The following MAP2K4 variants were observed in gnomAD, a reference collection of about 807,000 sequenced individuals.
The protein encoded by MAP2K4 is mitogen-activated protein kinase kinase 4, also known as dual specificity mitogen-activated protein kinase kinase 4.
Under a neutral mutation model 48.5 loss-of-function variants are expected in MAP2K4, and 4 were observed. That is an observed-to-expected ratio of 0.08 (90% CI 0.04 to 0.19). The LOEUF is 0.19. MAP2K4 is among the 10% of genes least tolerant of loss of function. The pLI, the probability that MAP2K4 is intolerant of heterozygous loss-of-function variation, is 1.00. For synonymous variants in MAP2K4, 166 were observed against 173.1 expected, an observed-to-expected ratio of 0.96 and a Z score of 0.32; for missense variants, 258 against 493.3, an observed-to-expected ratio of 0.52 and a Z score of 4.52.
intron 1 of MAP2K4, among the ~76,000 whole-genome samples, chr17:12,025,502 T>A (rs777089578): frequency 4.6e-5 from 7 of 152,216 alleles, no homozygotes; most frequent in South Asian, 2.1e-4. Flanking sequence ...ATGGTTAGAA[T>A]AGAATCTATA....
At chr17:12,094,248 C>A (rs1430541242) in intron 3 of MAP2K4, among the ~76,000 whole-genome samples, 5 of 152,168 alleles carry the variant, frequency 3.3e-5, no homozygotes, top group African/African-American at 7.2e-5. Context: ...AGGTAGCAAG[C>A]TGTAAATTTT....
Position 12,141,954 on chromosome 17 carries a change from T to C in MAP2K4, c.*694T>C. ...AATATAGAGACAGGACAGAATGTGT[T>C]CTTTTCTCCTTTACCAGTCCTATTT... is the stretch of plus-strand genomic sequence containing the variant. On this transcript the variant is annotated 3_prime_UTR_variant, in exon 11 of 11. Transcript: ENST00000353533. The C allele has an allele frequency of 4.3e-6, 1 of 233,386 alleles. No individual in the cohort carries two copies. The highest frequency in any genetic ancestry group is 6.0e-5 in the East Asian group (1 of 16,558). 14.5% of individuals were successfully genotyped at this position (233,386 alleles called of 1,614,324 possible). A position where few individuals can be genotyped will look rare whatever the true frequency, so the allele number is the denominator to read the frequency against.
rs1192772180 is a variant in MAP2K4, at chr17:12,068,009, G to C, written c.218+13018G>C. Among the ~76,000 whole-genome samples, 3 of 152,160 alleles carry C rather than the reference G, an allele frequency of 2.0e-5. No homozygotes were observed. The East Asian group carries it at 5.8e-4, about 29-fold the overall frequency. On this transcript the variant is annotated intron_variant, in intron 2 of 10. Coordinates refer to ENST00000353533, the MANE Select transcript of MAP2K4 (RefSeq NM_003010.4). ...GTAGTCAATGAAGGCTTCTAAACTTGAGTGAGTTTTACTAGATTTGGGGAA... is the reference window on the plus strand; with the variant it reads ...GTAGTCAATGAAGGCTTCTAAACTTCAGTGAGTTTTACTAGATTTGGGGAA...
intron 9 of MAP2K4, among the ~76,000 whole-genome samples, chr17:12,135,325 C>T (rs1973170546): frequency 6.6e-6 from 1 of 152,170 alleles, no homozygotes; most frequent in African/African-American, 2.4e-5. Flanking sequence ...CTCAGGTGAT[C>T]CGCCTGCCTC....
At chr17:12,032,914 A>T (rs1273959673) in intron 1 of MAP2K4, among the ~76,000 whole-genome samples, 1 of 152,122 alleles carries the variant, frequency 6.6e-6, no homozygotes, top group Admixed American at 6.5e-5. Flanking sequence ...ATCATAGTTC[A>T]CTGCAGCCTT....
chr17:12,132,131 T>G (rs185788637), intron 9 of MAP2K4, among the ~76,000 whole-genome samples: 10 of 152,310 alleles, frequency 6.6e-5, no homozygotes, highest in African/African-American at 2.2e-4. Flanking sequence ...ATACATAACT[T>G]GTAGGAGTAT....
At chr17:12,088,536 A>G (rs1597454769) in intron 3 of MAP2K4, among the ~76,000 whole-genome samples, 1 of 84,342 alleles carries the variant, frequency 1.2e-5, no homozygotes, top group African/African-American at 3.3e-5. Flanking sequence ...TATAATATAT[A>G]TTAAATTATA....
rs1220764649 is a variant in MAP2K4 at position 12,081,771 on chromosome 17, T to C, written c.393+241T>C. On this transcript the variant is annotated intron_variant, in intron 3 of 10. Coordinates refer to ENST00000353533, the MANE Select transcript of MAP2K4 (RefSeq NM_003010.4). This position sits in a 1 kb window ranked among gnomAD's most constrained non-coding sequence, Gnocchi z 4.2. ...TTGATTGCATTTTTGGCATGATGCA[T>C]TAACATGTTTTAAACTTCAGGCCCT... 1.3e-5 allele frequency: 7 copies of C among 529,480 alleles called. No homozygotes were observed. In the East Asian group the frequency reaches 2.5e-4, roughly 19 times the overall value. The allele number at this position is 529,480 out of a possible 1,614,324, so 32.8% of individuals were successfully genotyped here.
At position 12,042,903 on chromosome 17, in the gene MAP2K4, C is replaced by T. The variant is rs545262175; in HGVS notation, c.116-11986C>T. On this transcript the variant is annotated intron_variant, in intron 1 of 10. Coordinates refer to ENST00000353533, the MANE Select transcript of MAP2K4 (RefSeq NM_003010.4). ...TCTACTAAAAATACAAAAAATTAGC[C>T]GGGCGTAGTGGCGGGGGCCTGTAGT... Among the ~76,000 whole-genome samples the T allele has an allele frequency of 2.2e-4, 34 of 152,022 alleles. No homozygotes were observed. The South Asian group carries it at 4.8e-3, about 21-fold the overall frequency.
chr17:12,022,397 C>T (rs1969110722), intron 1 of MAP2K4, among the ~76,000 whole-genome samples: 1 of 152,182 alleles, frequency 6.6e-6, no homozygotes, highest in Non-Finnish European at 1.5e-5. Flanking sequence ...TTGCACAGCA[C>T]ATTATACTGA....
intron 3 of MAP2K4, among the ~76,000 whole-genome samples, chr17:12,086,622 G>A (rs1355217911): frequency 6.6e-6 from 1 of 152,166 alleles, no homozygotes; most frequent in African/African-American, 2.4e-5. Context: ...AGCCCTTGGG[G>A]CACCAGCTCT....
rs115113821 is a variant in MAP2K4 at position 12,039,439 on chromosome 17, C to T, written c.116-15450C>T. The stretch of plus-strand genomic sequence containing the variant: ...CACAAAAATAGAGTAGTGTAATGAA[C>T]CCCCATGTACCCATTATATAGCATC... On this transcript the variant is annotated intron_variant, in intron 1 of 10. Coordinates refer to ENST00000353533, the MANE Select transcript of MAP2K4 (RefSeq NM_003010.4). Among the ~76,000 whole-genome samples the T allele has an allele frequency of 7.6e-3, 1,153 of 152,210 alleles. 12 individuals are homozygous for T. The highest frequency in any genetic ancestry group is 0.025 in the African/African-American group (1,033 of 41,530).
At chr17:12,047,137 C>G (rs17614045) in intron 1 of MAP2K4, among the ~76,000 whole-genome samples, 36,800 of 151,558 alleles carry the variant, frequency 0.24, 5,176 homozygotes, top group Middle Eastern at 0.35. Context: ...TGCCAGAGGT[C>G]GGAAATGCTG....
chr17:12,033,695 C>CT lies in MAP2K4; in HGVS notation c.115+12695dup, dbSNP rs1454806302. On this transcript the variant is annotated intron_variant, in intron 1 of 10. Transcript: ENST00000353533. ...TATGCTTTTAATTTTGACACATTCACTGTGATAATTTTTAGCTTTGACTTT... is the reference window on the plus strand; with the variant it reads ...TATGCTTTTAATTTTGACACATTCACTTGTGATAATTTTTAGCTTTGACTTT... Among the ~76,000 whole-genome samples, 4 of 152,154 alleles carry CT rather than the reference C, an allele frequency of 2.6e-5. No individual in the cohort carries two copies. In the East Asian group the frequency reaches 7.7e-4, roughly 29 times the overall value.
intron 2 of MAP2K4, among the ~76,000 whole-genome samples, chr17:12,062,075 CT>C (rs568616496): frequency 4.5e-5 from 6 of 132,038 alleles, no homozygotes; most frequent in African/African-American, 1.6e-4. Context: ...CCCTTTTTTT[CT>C]TTTTTTGAGT....
intron 2 of MAP2K4, among the ~76,000 whole-genome samples, chr17:12,078,960 C>T (rs901707450): frequency 2.6e-5 from 4 of 152,146 alleles, no homozygotes; most frequent in Non-Finnish European, 4.4e-5. Context: ...ATGAACATGC[C>T]TTGGTGATGT....
chr17:12,086,150 C>A lies in MAP2K4; in HGVS notation c.393+4620C>A, dbSNP rs73977818. ...GGCCGCAGTGATCATATTTGATTAT[C>A]CAAATCACCTATGGGATGCAGATGT... On this transcript the variant is annotated intron_variant, in intron 3 of 10. Coordinates refer to ENST00000353533, the MANE Select transcript of MAP2K4 (RefSeq NM_003010.4). Among the ~76,000 whole-genome samples, 553 of 152,270 alleles carry A rather than the reference C, an allele frequency of 3.6e-3. 5 individuals carry two copies. Among genetic ancestry groups the A allele is most frequent in the African/African-American group, 0.013 (534 of 41,550 alleles).
chr17:12,064,613 G>A (rs1970555628), intron 2 of MAP2K4, among the ~76,000 whole-genome samples: 1 of 152,178 alleles, frequency 6.6e-6, no homozygotes, highest in African/African-American at 2.4e-5. Flanking sequence ...CTCCTATATT[G>A]TTGAGGAAGC....
In MAP2K4 at chr17:12,127,847, CAT is replaced by C. The variant is rs28921073; in HGVS notation, c.892-1291_892-1290del. Among the ~76,000 whole-genome samples, 429 of 152,282 alleles carry C rather than the reference CAT, an allele frequency of 2.8e-3. 11 individuals carry two copies. The East Asian group carries it at 0.066, about 24-fold the overall frequency. On this transcript the variant is annotated intron_variant, in intron 8 of 10. Transcript: ENST00000353533. Reference sequence around the variant, plus strand: ...GCATGCCTGCTTACTTTTGTGCACACATGTGTGTAATTAGAAACAACAGTGAG... The same window carrying C: ...GCATGCCTGCTTACTTTTGTGCACACGTGTGTAATTAGAAACAACAGTGAG...
Sources: gnomAD v4.1 joint callset for allele counts (sites outside exome capture counted in the v4.1 genomes callset) on GRCh38, gnomAD v4.1.1 for gene constraint, Gnocchi (gnomAD v3.1) non-coding constraint, MANE v1.5 for transcripts, NCBI Gene and HGNC (gene_info 2026-07-23, HGNC 2026-07-21) for gene names.